The following PLEKHG4B variants were observed in gnomAD, a reference collection of about 807,000 sequenced individuals.
PLEKHG4B encodes pleckstrin homology and RhoGEF domain containing G4B, also known as pleckstrin homology domain-containing family G member 4B.
PLEKHG4B carries 111 observed loss-of-function variants against 121.3 expected under a neutral mutation model. That is an observed-to-expected ratio of 0.92 (90% CI 0.78 to 1.07). PLEKHG4B has a LOEUF of 1.07. Ranked by LOEUF, PLEKHG4B falls within the 50% of genes least tolerant of loss-of-function variation. The pLI, the probability that PLEKHG4B is intolerant of heterozygous loss-of-function variation, is 0.00. For missense variants in PLEKHG4B, 1,831 were observed against 1,757.8 expected, an observed-to-expected ratio of 1.04 and a Z score of -0.74; for synonymous variants, 738 against 725.0, an observed-to-expected ratio of 1.02 and a Z score of -0.29.
At chr5:135,709 ATATATATATATATATATATG>A (rs1560918283) in intron 2 of PLEKHG4B, among the ~76,000 whole-genome samples, 21 of 101,550 alleles carry the variant, frequency 2.1e-4, no homozygotes, top group African/African-American at 6.5e-4. Flanking sequence ...ATATATATAT[ATATATATATATATATATATG>A]TATGTCAGTA....
intron 2 of PLEKHG4B, among the ~76,000 whole-genome samples, chr5:125,398 C>T (rs2126373961): frequency 6.6e-6 from 1 of 152,132 alleles, no homozygotes; most frequent in Middle Eastern, 3.4e-3. Flanking sequence ...CACTTATTAT[C>T]CTAAAGTTAT....
intron 1 of PLEKHG4B, among the ~76,000 whole-genome samples, chr5:108,045 A>G (rs950877808): frequency 6.6e-6 from 1 of 152,156 alleles, no homozygotes; most frequent in Non-Finnish European, 1.5e-5. Context: ...ACTCTGGAGC[A>G]CCCAGCCATC....
At chr5:136,817 A>G (rs1228782793) in intron 2 of PLEKHG4B, among the ~76,000 whole-genome samples, 1 of 152,216 alleles carries the variant, frequency 6.6e-6, no homozygotes, top group Non-Finnish European at 1.5e-5. Flanking sequence ...AAAAGAGTGA[A>G]CACAGAATCA....
chr5:163,386 G>C lies in PLEKHG4B; in HGVS notation c.3314G>C (p.Ser1105Thr), dbSNP rs768811829. ...PRDSCQPDHTSVFSKGLEVTS... is the reference protein window; with the variant it reads ...PRDSCQPDHTTVFSKGLEVTS... ...GACTCCTGCCAGCCAGACCATACTA[G>C]TGTCTTCAGCAAGGGCCTGGAGGTA... The change falls in exon 13 of 20, where the codon AGT becomes ACT. Residue 1105 changes from serine to threonine, a missense_variant. Coordinates refer to ENST00000637938, the MANE Select transcript of PLEKHG4B (RefSeq NM_052909.5). 3.0e-5 allele frequency: 49 copies of C among 1,613,040 alleles called. No homozygotes were observed. The highest frequency in any genetic ancestry group is 4.1e-5 in the Non-Finnish European group (48 of 1,180,046).
At chr5:148,000 CA>C (rs963544897) in intron 6 of PLEKHG4B, among the ~76,000 whole-genome samples, 75 of 148,748 alleles carry the variant, frequency 5.0e-4, no homozygotes, top group Middle Eastern at 3.4e-3. Context: ...CAATTGATGC[CA>C]AAAAAAAAGC....
Position 163,209 on chromosome 5 carries a change from C to T in PLEKHG4B, c.3137C>T (p.Ala1046Val), listed in dbSNP as rs1157661499. The T allele has an allele frequency of 3.1e-6, 5 of 1,593,736 alleles. No homozygotes were observed. In the South Asian group the frequency reaches 4.6e-5, roughly 15 times the overall value. ...PLSLLRGLPG[A>V]GATTAHLEDS... ...TCCCTCCTCAGGGGCCTTCCAGGGG[C>T]AGGGGCCACCACGGCCCACCTGGAG... The change falls in exon 13 of 20, where the codon GCA becomes GTA. Residue 1046 changes from alanine (A) to valine (V), a missense_variant. By Grantham distance (64) the Ala-to-Val change is moderately conservative. Transcript: ENST00000637938.
chr5:106,727 G>A (rs1185121088), intron 1 of PLEKHG4B, among the ~76,000 whole-genome samples: 1 of 152,240 alleles, frequency 6.6e-6, no homozygotes, highest in African/African-American at 2.4e-5. Flanking sequence ...GTGAGAGCCG[G>A]AGCCCAGGGT....
At chr5:111,926 ACGGGCCCAC>A (rs1734170140) in intron 1 of PLEKHG4B, among the ~76,000 whole-genome samples, 1 of 148,976 alleles carries the variant, frequency 6.7e-6, no homozygotes, top group African/African-American at 2.6e-5. Flanking sequence ...CTGGCCTGAG[ACGGGCCCAC>A]TCATTCTCAT....
chr5:108,052 C>T (rs900716162), intron 1 of PLEKHG4B, among the ~76,000 whole-genome samples: 1 of 152,162 alleles, frequency 6.6e-6, no homozygotes, highest in Non-Finnish European at 1.5e-5. Context: ...AGCACCCAGC[C>T]ATCCCCTGCC....
intron 18 of PLEKHG4B, chr5:179,657 T>C (rs559433896): frequency 6.5e-6 from 1 of 152,846 alleles, no homozygotes; most frequent in East Asian, 1.9e-4. Flanking sequence ...CCAAGCGTGG[T>C]GGTCCTTGCC....
chr5:129,260 C>T (rs1734708455), intron 2 of PLEKHG4B, among the ~76,000 whole-genome samples: 1 of 152,180 alleles, frequency 6.6e-6, no homozygotes, highest in Non-Finnish European at 1.5e-5. Flanking sequence ...CTCACTGAAG[C>T]CTGCTACTTA....
intron 12 of PLEKHG4B, among the ~76,000 whole-genome samples, chr5:162,495 C>T (rs1473458859): frequency 6.6e-6 from 1 of 152,236 alleles, no homozygotes; most frequent in African/African-American, 2.4e-5. Flanking sequence ...GGACATCCCC[C>T]ACGGTGCCCT....
intron 11 of PLEKHG4B, among the ~76,000 whole-genome samples, chr5:161,061 A>G (rs1579305308): frequency 6.6e-6 from 1 of 152,224 alleles, no homozygotes; most frequent in Non-Finnish European, 1.5e-5. Context: ...ATCTCTGGGC[A>G]TCTGACCCCT....
intron 18 of PLEKHG4B, among the ~76,000 whole-genome samples, chr5:177,974 C>T (rs1416821441): frequency 1.4e-5 from 2 of 142,114 alleles, no homozygotes; most frequent in African/African-American, 2.7e-5. Flanking sequence ...GTTGGGGGAA[C>T]GTGAGGATGC....
chr5:95,703 T>A (rs149633278), intron 1 of PLEKHG4B, among the ~76,000 whole-genome samples: 4 of 152,144 alleles, frequency 2.6e-5, no homozygotes, highest in Non-Finnish European at 4.4e-5. Flanking sequence ...TTCCTGAGAT[T>A]GTCAAGAATA....
At chr5:135,509 C>A (rs1734932544) in intron 2 of PLEKHG4B, among the ~76,000 whole-genome samples, 1 of 146,732 alleles carries the variant, frequency 6.8e-6, no homozygotes, top group Non-Finnish European at 1.5e-5. Flanking sequence ...ACTGAAAATC[C>A]AAAAAAATTA....
At chr5:181,335 C>A (rs116352128) in intron 18 of PLEKHG4B, among the ~76,000 whole-genome samples, 179 bp from the exon 19 acceptor site, 1,635 of 152,274 alleles carry the variant, frequency 0.011, 31 homozygotes, top group African/African-American at 0.037. Flanking sequence ...CTCTTTGGTG[C>A]CGAAAACCGG....
chr5:169,042 A>C (rs1736446483), intron 13 of PLEKHG4B: 1 of 354,436 alleles, frequency 2.8e-6, no homozygotes, highest in East Asian at 7.1e-5. Flanking sequence ...CCCCCAGCTA[A>C]TTTTTGTATT....
intron 2 of PLEKHG4B, among the ~76,000 whole-genome samples, chr5:114,991 A>G (rs1487065174): frequency 6.6e-6 from 1 of 152,246 alleles, no homozygotes; most frequent in Non-Finnish European, 1.5e-5. Flanking sequence ...TTAAATATTC[A>G]TAATAGCATC....
Sources: allele counts gnomAD v4.1 joint callset (sites outside exome capture counted in the v4.1 genomes callset), GRCh38; gene constraint gnomAD v4.1.1; transcripts MANE v1.5; gene names NCBI Gene and HGNC (gene_info 2026-07-23, HGNC 2026-07-21).